The following ARHGEF16 variants were observed in gnomAD, a reference collection of about 807,000 sequenced individuals.
The protein encoded by ARHGEF16 is Rho guanine exchange factor (GEF) 16.
In ARHGEF16, 59 loss-of-function variants were observed where a neutral mutation model predicts 74.1. The observed-to-expected ratio is 0.80, with a 90% confidence interval of 0.65 to 0.99. ARHGEF16 has a LOEUF of 0.99. Among genes scored for constraint, ARHGEF16 ranks in the 50% least tolerant of loss-of-function variants. ARHGEF16 has a pLI of 0.00. For missense variants in ARHGEF16, 948 were observed against 986.6 expected (o/e 0.96, Z 0.52); for synonymous variants, 415 against 412.6 (o/e 1.01, Z -0.07).
chr1:3,455,281 G>C (rs1639241228), intron 1 of ARHGEF16, among the ~76,000 whole-genome samples: 1 of 152,024 alleles, frequency 6.6e-6, no homozygotes, highest in Admixed American at 6.5e-5. Flanking sequence ...ACCCAAACCT[G>C]CTTTGGCCCC....
chr1:3,464,787 A>T (rs1639497530), intron 2 of ARHGEF16, among the ~76,000 whole-genome samples: 1 of 152,166 alleles, frequency 6.6e-6, no homozygotes, highest in African/African-American at 2.4e-5. Flanking sequence ...GGCAGTGTCC[A>T]CGGAAGGTGT....
At chr1:3,471,529 G>A in intron 6 of ARHGEF16, 1 of 675,254 alleles carries the variant, frequency 1.5e-6, no homozygotes, top group Non-Finnish European at 1.9e-6. Flanking sequence ...ACTCAGCATG[G>A]GATGGGGCTG....
chr1:3,461,651 G>GGCCTGACCGCTGTGT lies in ARHGEF16; in HGVS notation c.-19-1415_-19-1414insGCCTGACCGCTGTGT, dbSNP rs543591029. On this transcript the variant is annotated intron_variant, in intron 1 of 14. Transcript: ENST00000378378. ...GCTCACTGTGGGCCTGACCGCTGTG[G>GGCCTGACCGCTGTGT]CCGAGCAATGCGCCGTCACTCAGGA... is the stretch of plus-strand genomic sequence containing the variant. Among the ~76,000 whole-genome samples the GGCCTGACCGCTGTGT allele has an allele frequency of 2.8e-4, 43 of 152,344 alleles. 1 individual carries two copies. The South Asian group carries it at 8.7e-3, about 31-fold the overall frequency.
At chr1:3,456,603 C>G (rs1036680523) in intron 1 of ARHGEF16, among the ~76,000 whole-genome samples, 3 of 152,220 alleles carry the variant, frequency 2.0e-5, no homozygotes, top group Admixed American at 6.5e-5. Flanking sequence ...CTTACCTGCC[C>G]GGGAAAATAC....
At chr1:3,474,673 G>A (rs1639832567) in intron 8 of ARHGEF16, 35 bp from the exon 9 acceptor site, 3 of 1,586,842 alleles carry the variant, frequency 1.9e-6, no homozygotes, top group Non-Finnish European at 2.6e-6. Context: ...GGATGCCAGA[G>A]GGGACTTTCT....
intron 1 of ARHGEF16, 53 bp from the exon 2 acceptor site, chr1:3,463,013 G>A (rs757348840): frequency 4.1e-5 from 54 of 1,310,228 alleles, no homozygotes; most frequent in Non-Finnish European, 4.4e-5. Flanking sequence ...GTGGACACCC[G>A]CGGGGGCAGG....
At position 3,473,653 on chromosome 1, in the gene ARHGEF16, T is replaced by TA. The variant is rs781465877; in HGVS notation, c.1305+132dup. ...GCTTGGCCTATGATATTGTAATAGTTACGATCCTAAGATGGCTTTATTAAC... is the reference window on the plus strand; with the variant it reads ...GCTTGGCCTATGATATTGTAATAGTTAACGATCCTAAGATGGCTTTATTAAC... On this transcript the variant is annotated intron_variant, in intron 8 of 14. Coordinates refer to ENST00000378378, the MANE Select transcript of ARHGEF16 (RefSeq NM_014448.4). The TA allele has an allele frequency of 2.8e-6, 4 of 1,440,178 alleles. No homozygotes were observed. The African/African-American group carries it at 4.2e-5, about 15-fold the overall frequency. The allele number at this position is 1,440,178 out of a possible 1,614,324, so 89.2% of individuals were successfully genotyped here.
chr1:3,477,459 G>A (rs1639916851), intron 10 of ARHGEF16, among the ~76,000 whole-genome samples: 2 of 147,934 alleles, frequency 1.4e-5, no homozygotes, highest in African/African-American at 5.0e-5. Flanking sequence ...CGTGGAGCGT[G>A]GCCATCACGG....
At chr1:3,473,045 C>G (rs767976000) in intron 6 of ARHGEF16, 33 bp from the exon 7 acceptor site, 2 of 1,602,866 alleles carry the variant, frequency 1.2e-6, no homozygotes, top group East Asian at 2.2e-5. Context: ...CCACCAGGCC[C>G]GTGGCACCCT....
chr1:3,462,032 A>T (rs1339717966), intron 1 of ARHGEF16, among the ~76,000 whole-genome samples: 1 of 146,542 alleles, frequency 6.8e-6, no homozygotes, highest in African/African-American at 2.6e-5. Context: ...CGGACCATGA[A>T]GGGAACAGTG....
intron 5 of ARHGEF16, 59 bp downstream of exon 5, chr1:3,468,995 G>A: frequency 6.5e-7 from 1 of 1,542,302 alleles, no homozygotes; most frequent in Non-Finnish European, 8.8e-7. Flanking sequence ...CAACACCCGG[G>A]GAGGGGCAGC....
At position 3,474,754 on chromosome 1, in the gene ARHGEF16, C is replaced by T. The variant is rs1450500694; in HGVS notation, c.1352C>T (p.Ala451Val). ...GGCCACTCCGAAAGGTACAAGGCTG[C>T]CAGCCGTGCACTGAAGGCCATCAGC... is the stretch of plus-strand genomic sequence containing the variant. ...TQGHSERYKAASRALKAISKL... is the reference protein window; with the variant it reads ...TQGHSERYKAVSRALKAISKL... The change falls in exon 9 of 15, where the codon GCC becomes GTC. Residue 451 changes from alanine (A) to valine (V), a missense_variant. Physicochemically the swap from Ala to Val is moderately conservative, Grantham distance 64. Transcript: ENST00000378378. 1.2e-6 allele frequency: 2 copies of T among 1,612,780 alleles called. No individual in the cohort carries two copies. The highest frequency in any genetic ancestry group is 2.2e-5 in the East Asian group (1 of 44,892).
intron 10 of ARHGEF16, 136 bp downstream of exon 10, chr1:3,476,198 G>A (rs1272111352): frequency 3.6e-5 from 31 of 865,820 alleles, no homozygotes; most frequent in Non-Finnish European, 5.3e-5. Flanking sequence ...TGGGGGCTGG[G>A]CCTCCTAGGG....
Position 3,474,717 on chromosome 1 carries a change from C to T in ARHGEF16, c.1315C>T (p.Leu439Phe). The change falls in exon 9 of 15, where the codon CTC becomes TTC. Residue 439 changes from leucine to phenylalanine, a missense_variant. Transcript: ENST00000378378. ...RLPLLMDTLC[L>F]KTQGHSERYK... ...TCTGTTGTCCATCCAGACGCTCTGCCTCAAGACCCAGGGCCACTCCGAAAG... is the reference window on the plus strand; with the variant it reads ...TCTGTTGTCCATCCAGACGCTCTGCTTCAAGACCCAGGGCCACTCCGAAAG... The T allele has an allele frequency of 6.2e-7, 1 of 1,612,888 alleles. No homozygotes were observed. The highest frequency in any genetic ancestry group is 1.7e-4 in the Middle Eastern group (1 of 6,060).
intron 1 of ARHGEF16, among the ~76,000 whole-genome samples, chr1:3,462,811 A>C (rs1639432979): frequency 6.6e-6 from 1 of 152,092 alleles, no homozygotes; most frequent in Admixed American, 6.5e-5. Context: ...GGTCCCTTGG[A>C]GCTCGGAGAA....
At chr1:3,480,334 G>C in intron 14 of ARHGEF16, 114 bp from the exon 15 acceptor site, 1 of 1,437,594 alleles carries the variant, frequency 7.0e-7, no homozygotes, top group Non-Finnish European at 9.4e-7. Context: ...AGCAGGAGCA[G>C]GTGGTCAGTT....
chr1:3,465,373 G>A (rs553482702), intron 2 of ARHGEF16, among the ~76,000 whole-genome samples: 2 of 152,242 alleles, frequency 1.3e-5, no homozygotes, highest in African/African-American at 2.4e-5. Context: ...GAGGGTTAGC[G>A]CAGAGGCAGA....
intron 1 of ARHGEF16, among the ~76,000 whole-genome samples, chr1:3,456,226 A>G (rs1430460815): frequency 1.3e-5 from 2 of 152,334 alleles, no homozygotes; most frequent in Middle Eastern, 3.4e-3. Flanking sequence ...CCTACACATG[A>G]GGAAACTGAG....
At chr1:3,474,301 G>A (rs1639823318) in intron 8 of ARHGEF16, 1 of 248,728 alleles carries the variant, frequency 4.0e-6, no homozygotes, top group Admixed American at 4.8e-5. Context: ...ACACAGCCCC[G>A]CACATGGCAG....
Sources: gnomAD v4.1 joint callset for allele counts (sites outside exome capture counted in the v4.1 genomes callset) on GRCh38, gnomAD v4.1.1 for gene constraint, MANE v1.5 for transcripts, NCBI Gene and HGNC (gene_info 2026-07-23, HGNC 2026-07-21) for gene names.